The following ADAMTSL3 variants were observed in gnomAD, a reference collection of about 807,000 sequenced individuals.
ADAMTSL3 encodes the protein ADAMTS-like protein 3.
A neutral mutation model predicts 201.7 loss-of-function variants in ADAMTSL3; 128 were observed. The ratio of observed to expected loss-of-function variants is 0.63; its 90% CI spans 0.55 to 0.73. The LOEUF (loss-of-function observed/expected upper bound fraction) is 0.73. Among genes scored for constraint, ADAMTSL3 ranks in the 30% least tolerant of loss-of-function variants. The probability of loss-of-function intolerance (pLI) is 0.00; values close to 1 mark genes in which losing one functional copy is unlikely to be tolerated. For missense variants in ADAMTSL3, 1,990 were observed against 2,119.6 expected, an observed-to-expected ratio of 0.94 and a Z score of 1.20; for synonymous variants, 738 against 748.4, an observed-to-expected ratio of 0.99 and a Z score of 0.23.
intron 3 of ADAMTSL3, among the ~76,000 whole-genome samples, chr15:83,747,817 TG>T (rs2141660833): frequency 6.6e-6 from 1 of 151,808 alleles, no homozygotes; most frequent in African/African-American, 2.4e-5. Flanking sequence ...CAGTTTTGCT[TG>T]GCTGTTTAAG....
chr15:83,704,220 A>T (rs1447304526), intron 2 of ADAMTSL3, among the ~76,000 whole-genome samples, 169 bp from the exon 3 acceptor site: 1 of 152,136 alleles, frequency 6.6e-6, no homozygotes, highest in Non-Finnish European at 1.5e-5. Context: ...CAGTGCCCTG[A>T]CACACCTGGT....
At position 83,791,181 on chromosome 15, in the gene ADAMTSL3, G is replaced by T. The variant is rs149106813; in HGVS notation, c.318-13469G>T. ...CTACCCAAAGTGATCTACAGATTCA[G>T]TGTAATCTCTGTCAAAATCTGTCAC... On this transcript the variant is annotated intron_variant, in intron 4 of 29. Transcript: ENST00000286744. 3.7e-3 allele frequency among the ~76,000 whole-genome samples: 556 copies of T among 152,226 alleles called. 3 individuals carry two copies. Among genetic ancestry groups the T allele is most frequent in the African/African-American group, 0.013 (524 of 41,542 alleles).
At chr15:83,687,006 C>T (rs2061545064) in intron 2 of ADAMTSL3, among the ~76,000 whole-genome samples, 1 of 151,116 alleles carries the variant, frequency 6.6e-6, no homozygotes, top group Non-Finnish European at 1.5e-5. Flanking sequence ...GTCTGGGCAA[C>T]ACAGCAGGAC....
At chr15:83,743,653 C>T (rs931935163) in intron 3 of ADAMTSL3, among the ~76,000 whole-genome samples, 6 of 152,184 alleles carry the variant, frequency 3.9e-5, no homozygotes, top group Admixed American at 1.3e-4. Flanking sequence ...CTCTGTCAGC[C>T]GTGGCTGGGG....
Position 84,025,409 on chromosome 15 carries a change from A to C in ADAMTSL3, c.4629A>C (p.Pro1543=). The change falls in exon 27 of 30, where the codon CCA becomes CCC. Residue 1543 remains proline (P), a synonymous_variant. Coordinates refer to ENST00000286744, the MANE Select transcript of ADAMTSL3 (RefSeq NM_207517.3). Reference sequence around the variant, plus strand: ...GAAGAAAACCATGTTTTGGTCATCCATGTGTTCAGTGGGAACCAGGGAACC... The same window carrying C: ...GAAGAAAACCATGTTTTGGTCATCCCTGTGTTCAGTGGGAACCAGGGAACC... The part of the protein sequence containing the change: ...PLGRKPCFGH[P]CVQWEPGNRC... 1.9e-6 allele frequency: 3 copies of C among 1,614,034 alleles called. No individual in the cohort carries two copies. Among genetic ancestry groups the C allele is most frequent in the Non-Finnish European group, 2.5e-6 (3 of 1,179,984 alleles).
intron 2 of ADAMTSL3, among the ~76,000 whole-genome samples, chr15:83,696,412 T>C (rs1184730555): frequency 6.6e-6 from 1 of 152,236 alleles, no homozygotes; most frequent in African/African-American, 2.4e-5. Context: ...GGCCTACCTA[T>C]GCATTAATAT....
intron 3 of ADAMTSL3, among the ~76,000 whole-genome samples, chr15:83,726,438 A>C (rs1173220078): frequency 1.3e-5 from 2 of 152,148 alleles, no homozygotes; most frequent in Non-Finnish European, 2.9e-5. Context: ...ACGTTGAATG[A>C]CAGTGGTGAA....
rs376645258 is a variant in ADAMTSL3 at position 83,943,005 on chromosome 15, G to C, written c.2413G>C (p.Gly805Arg). ...GAATCTCTCAGATGAATTGTGCCAA[G>C]GACCCAAGGCATCGTCTCACAAGTC... is the stretch of plus-strand genomic sequence containing the variant. ...FLNLSDELCQ[G>R]PKASSHKSCA... The change falls in exon 19 of 30, where the codon GGA becomes CGA. Residue 805 changes from glycine (G) to arginine (R), a missense_variant. Gly to Arg is a moderately radical substitution (Grantham distance 125, BLOSUM62 -2). Coordinates refer to ENST00000286744, the MANE Select transcript of ADAMTSL3 (RefSeq NM_207517.3). 7 of 1,613,962 alleles carry C rather than the reference G, an allele frequency of 4.3e-6. No individual in the cohort carries two copies. The highest frequency in any genetic ancestry group is 5.9e-6 in the Non-Finnish European group (7 of 1,179,964).
chr15:83,762,580 G>A (rs1486752417), intron 3 of ADAMTSL3, among the ~76,000 whole-genome samples: 2 of 152,058 alleles, frequency 1.3e-5, no homozygotes, highest in Non-Finnish European at 2.9e-5. Context: ...ATGTCCTCAC[G>A]CGGTGGGAGG....
At chr15:83,789,009 C>T (rs1265257548) in intron 4 of ADAMTSL3, among the ~76,000 whole-genome samples, 7 of 152,068 alleles carry the variant, frequency 4.6e-5, no homozygotes, top group African/African-American at 1.7e-4. Flanking sequence ...TGGGGTTTCA[C>T]CATGTTGGCC....
intron 7 of ADAMTSL3, among the ~76,000 whole-genome samples, chr15:83,840,298 A>C (rs2064349038): frequency 6.6e-6 from 1 of 152,230 alleles, no homozygotes; most frequent in Non-Finnish European, 1.5e-5. Context: ...TATGAGTTCA[A>C]CTGGAATAAG....
intron 3 of ADAMTSL3, among the ~76,000 whole-genome samples, chr15:83,720,640 A>G (rs1378570849): frequency 6.6e-6 from 1 of 152,244 alleles, no homozygotes; most frequent in East Asian, 1.9e-4. Flanking sequence ...GTCAGTGGGC[A>G]TTACACTCTG....
At chr15:83,875,609 C>T (rs1289639299) in intron 9 of ADAMTSL3, among the ~76,000 whole-genome samples, 1 of 151,792 alleles carries the variant, frequency 6.6e-6, no homozygotes, top group Non-Finnish European at 1.5e-5. Context: ...ATGGTGAAAC[C>T]CCATCTCTAC....
chr15:83,670,904 T>G (rs2061321926), intron 2 of ADAMTSL3, among the ~76,000 whole-genome samples: 1 of 152,226 alleles, frequency 6.6e-6, no homozygotes, highest in Non-Finnish European at 1.5e-5. Context: ...TGCTTAGTAA[T>G]TAGCGTTCTT....
chr15:83,773,390 T>C (rs1028962759), intron 3 of ADAMTSL3, 133 bp from the exon 4 acceptor site: 49 of 991,706 alleles, frequency 4.9e-5, no homozygotes, highest in Middle Eastern at 6.7e-4. Flanking sequence ...GGCAATAAGA[T>C]CGAAGCTCTG....
intron 4 of ADAMTSL3, among the ~76,000 whole-genome samples, chr15:83,798,772 A>G (rs1370249583): frequency 3.6e-5 from 5 of 138,980 alleles, no homozygotes; most frequent in African/African-American, 8.1e-5. Context: ...GCGCCATTGC[A>G]CTCCAGCCTG....
At chr15:83,821,567 A>G (rs1372380067) in intron 6 of ADAMTSL3, among the ~76,000 whole-genome samples, 2 of 151,098 alleles carry the variant, frequency 1.3e-5, no homozygotes, top group African/African-American at 4.9e-5. Context: ...GGGTAAGGTC[A>G]CAGATCAACA....
At chr15:83,774,518 G>A (rs973907728) in intron 4 of ADAMTSL3, among the ~76,000 whole-genome samples, 1 of 152,118 alleles carries the variant, frequency 6.6e-6, no homozygotes, top group African/African-American at 2.4e-5. Flanking sequence ...TTGTACATGT[G>A]GCCTTTGAGA....
chr15:83,926,613 CTT>C (rs5814168), intron 17 of ADAMTSL3, among the ~76,000 whole-genome samples: 1,723 of 120,008 alleles, frequency 0.014, 24 homozygotes, highest in African/African-American at 0.045. Context: ...ACACTAACAA[CTT>C]TTTTTTTTTT....
Sources: gnomAD v4.1 joint callset for allele counts (sites outside exome capture counted in the v4.1 genomes callset) on GRCh38, gnomAD v4.1.1 for gene constraint, MANE v1.5 for transcripts, NCBI Gene and HGNC (gene_info 2026-07-23, HGNC 2026-07-21) for gene names.